ADGRG7: variants seen among roughly 807,000 people sequenced by gnomAD.
ADGRG7 encodes G-protein coupled receptor 128.
In ADGRG7, 82 loss-of-function variants were observed where a neutral mutation model predicts 88.6. The ratio of observed to expected loss-of-function variants is 0.93; its 90% confidence interval spans 0.77 to 1.11. ADGRG7 has a LOEUF of 1.11. ADGRG7 is among the 50% of genes most tolerant of loss of function. The pLI, the probability that ADGRG7 is intolerant of heterozygous loss-of-function variation, is 0.00. For synonymous variants in ADGRG7, 381 were observed against 345.2 expected (o/e 1.10, Z -1.15); for missense variants, 945 against 953.4 (o/e 0.99, Z 0.12).
rs570422389 is a variant in ADGRG7 at position 100,690,696 on chromosome 3, C to G, written c.2137-4048C>G. Among the ~76,000 whole-genome samples the G allele has an allele frequency of 4.7e-3, 715 of 152,242 alleles. 7 individuals are homozygous for G. Among genetic ancestry groups the G allele is most frequent in the African/African-American group, 0.016 (685 of 41,544 alleles). On this transcript the variant is annotated intron_variant, in intron 15 of 15. Transcript: ENST00000273352. Reference sequence around the variant, plus strand: ...TGCAGAACAGTGGATATTGGTGAACCGCAAATGCTGCTGCCTGATCGTTCC... The same window carrying G: ...TGCAGAACAGTGGATATTGGTGAACGGCAAATGCTGCTGCCTGATCGTTCC...
chr3:100,618,658 C>A (rs1269898304), intron 1 of ADGRG7, among the ~76,000 whole-genome samples: 2 of 152,146 alleles, frequency 1.3e-5, no homozygotes, highest in Non-Finnish European at 2.9e-5. Flanking sequence ...CGTGATGCCT[C>A]CAGCTTTGTT....
chr3:100,629,572 T>A (rs763457122), intron 1 of ADGRG7, 26 bp from the exon 2 acceptor site: 2 of 1,521,700 alleles, frequency 1.3e-6, no homozygotes, highest in East Asian at 2.3e-5. Context: ...AGTTCATGAC[T>A]ATTCTGTTAT....
intron 8 of ADGRG7, among the ~76,000 whole-genome samples, chr3:100,644,067 G>A (rs1707695012): frequency 6.6e-6 from 1 of 151,992 alleles, no homozygotes. Context: ...ACATCATTTA[G>A]TAGTATCAAT....
rs75314620 is a variant in ADGRG7 at position 100,652,242 on chromosome 3, T to C, written c.1379+2435T>C. On this transcript the variant is annotated intron_variant, in intron 11 of 15. Transcript: ENST00000273352. The stretch of plus-strand genomic sequence containing the variant: ...AATCTCAACTAAAATGTCAAGCAGA[T>C]GGACTGAGTTCTGTTTGAATGAAAG... Among the ~76,000 whole-genome samples the C allele has an allele frequency of 2.8e-4, 42 of 152,276 alleles. No homozygotes were observed. In the East Asian group the frequency reaches 7.9e-3, roughly 29 times the overall value.
Position 100,695,133 on chromosome 3 carries a change from A to C in ADGRG7, c.*132A>C. The C allele has an allele frequency of 1.1e-6, 1 of 889,814 alleles. No individual in the cohort carries two copies. The highest frequency in any genetic ancestry group is 1.8e-5 in the South Asian group (1 of 55,306). 55.1% of individuals were successfully genotyped at this position (889,814 alleles called of 1,614,324 possible). On this transcript the variant is annotated 3_prime_UTR_variant, in exon 16 of 16. Transcript: ENST00000273352. ...TGCTCAGGATTAAGAATTAGATAAA[A>C]CCTGTTGTTTATTATTATTCGGCAT...
intron 1 of ADGRG7, among the ~76,000 whole-genome samples, chr3:100,624,721 C>T (rs1392635137): frequency 6.6e-6 from 1 of 151,948 alleles, no homozygotes; most frequent in Non-Finnish European, 1.5e-5. Context: ...TATAAGGAGT[C>T]AGGAAGGGGT....
rs774786770 is a variant in ADGRG7, at chr3:100,643,318, G to C, written c.751G>C (p.Val251Leu). The change falls in exon 7 of 16, where the codon GTG becomes CTG. Residue 251 changes from valine (V) to leucine (L), a missense_variant. Coordinates refer to ENST00000273352, the MANE Select transcript of ADGRG7 (RefSeq NM_032787.3). ...CTTGTCTTTGGGTAATCAATCAGTG[G>C]TGGAACCTAACATAGCAATACAGTC... ...YSLSLGNQSVVEPNIAIQSAN... is the reference protein window; with the variant it reads ...YSLSLGNQSVLEPNIAIQSAN... 8 of 1,613,882 alleles carry C rather than the reference G, an allele frequency of 5.0e-6. No homozygotes were observed. The highest frequency in any genetic ancestry group is 3.3e-4 in the Middle Eastern group (2 of 6,084).
chr3:100,695,112 C>T lies in ADGRG7; in HGVS notation c.*111C>T, dbSNP rs1023299999. The T allele has an allele frequency of 8.6e-7, 1 of 1,156,156 alleles. No homozygotes were observed. Among genetic ancestry groups the T allele is most frequent in the Non-Finnish European group, 1.2e-6 (1 of 815,460 alleles). The allele number at this position is 1,156,156 out of a possible 1,614,324, so 71.6% of individuals were successfully genotyped here. ...AAAGTCTTCCTCAATGTATTTTGCT[C>T]AGGATTAAGAATTAGATAAAACCTG... On this transcript the variant is annotated 3_prime_UTR_variant, in exon 16 of 16. Transcript: ENST00000273352.
chr3:100,611,303 T>TTTCTTCCTTC (rs1559666905), intron 1 of ADGRG7, among the ~76,000 whole-genome samples: 24 of 124,394 alleles, frequency 1.9e-4, no homozygotes, highest in African/African-American at 6.7e-4. Context: ...TTCCTTCCTT[T>TTTCTTCCTTC]CTTCTTTCCT....
chr3:100,643,272 T>C lies in ADGRG7; in HGVS notation c.705T>C (p.Ile235=). 3.7e-6 allele frequency: 6 copies of C among 1,612,962 alleles called. No homozygotes were observed. The highest frequency in any genetic ancestry group is 5.1e-6 in the Non-Finnish European group (6 of 1,179,586). Residue 235 remains isoleucine, a synonymous_variant, in exon 7 of 16, where the codon ATT becomes ATC. Coordinates refer to ENST00000273352, the MANE Select transcript of ADGRG7 (RefSeq NM_032787.3). ...TGTGTTTTATTATATGCAGGCTTAT[T>C]GAGCAAATGGAGACTTATTCCTTGT... ...TANDDALTTL[I]EQMETYSLSL...
chr3:100,609,940 C>T lies in ADGRG7; in HGVS notation c.84C>T (p.Gly28=). The change falls in exon 1 of 16, where the codon GGC becomes GGT. Residue 28 remains glycine, a synonymous_variant. Transcript: ENST00000273352. ...TGACTGGCATCATTTTGGGACTGGG[C>T]ATCTGGAGGATTGTGATCAGGATCC... is the stretch of plus-strand genomic sequence containing the variant. ...GLLTGIILGL[G]IWRIVIRIQR... The T allele has an allele frequency of 1.9e-6, 3 of 1,613,584 alleles. No homozygotes were observed. The highest frequency in any genetic ancestry group is 2.5e-6 in the Non-Finnish European group (3 of 1,179,620).
chr3:100,691,099 A>G (rs1314910651), intron 15 of ADGRG7, among the ~76,000 whole-genome samples: 5 of 152,162 alleles, frequency 3.3e-5, no homozygotes, highest in Non-Finnish European at 7.4e-5. Context: ...GCCGCCTTGC[A>G]GTTTGATCTC....
chr3:100,615,348 C>A (rs1309070155), intron 1 of ADGRG7, among the ~76,000 whole-genome samples: 1 of 152,158 alleles, frequency 6.6e-6, no homozygotes, highest in African/African-American at 2.4e-5. Flanking sequence ...GATACCAGTA[C>A]TATTTTTGCT....
chr3:100,669,115 G>T lies in ADGRG7; in HGVS notation c.2136+10G>T, dbSNP rs779075867. 4 of 1,522,164 alleles carry T rather than the reference G, an allele frequency of 2.6e-6. No homozygotes were observed. In the African/African-American group the frequency reaches 5.6e-5, roughly 21 times the overall value. 94.3% of individuals were successfully genotyped at this position (1,522,164 alleles called of 1,614,324 possible). A position where few individuals can be genotyped will look rare whatever the true frequency, so the allele number is the denominator to read the frequency against. On this transcript the variant is annotated intron_variant, in intron 15 of 15. Coordinates refer to ENST00000273352, the MANE Select transcript of ADGRG7 (RefSeq NM_032787.3). ...TTTCAACACTACACAGGTATGGTGCGGATTAGTCTGAAAGTAGCAGAACAC... is the reference window on the plus strand; with the variant it reads ...TTTCAACACTACACAGGTATGGTGCTGATTAGTCTGAAAGTAGCAGAACAC...
intron 14 of ADGRG7, chr3:100,665,368 T>G (rs972782092): frequency 3.7e-6 from 2 of 540,558 alleles, no homozygotes; most frequent in Non-Finnish European, 7.6e-6. Context: ...CGTTTATCCT[T>G]CAATCTTCAT....
chr3:100,654,772 A>C (rs2094935193), intron 11 of ADGRG7, 63 bp from the exon 12 acceptor site: 1 of 983,294 alleles, frequency 1.0e-6, no homozygotes, highest in Non-Finnish European at 1.5e-6. Flanking sequence ...ATTTCACTGC[A>C]GTTTGTTTTG....
At chr3:100,652,120 A>C (rs551384455) in intron 11 of ADGRG7, among the ~76,000 whole-genome samples, 1 of 152,208 alleles carries the variant, frequency 6.6e-6, no homozygotes, top group East Asian at 1.9e-4. Flanking sequence ...ACTAGACTCT[A>C]ATCTTACTTT....
At chr3:100,665,173 C>T in intron 14 of ADGRG7, 2 of 539,250 alleles carry the variant, frequency 3.7e-6, no homozygotes, top group Admixed American at 1.9e-5. Context: ...CAGCATATAT[C>T]ATTTGTTGTT....
intron 14 of ADGRG7, among the ~76,000 whole-genome samples, chr3:100,665,998 CT>C (rs1302317550): frequency 3.3e-5 from 5 of 151,634 alleles, no homozygotes; most frequent in Non-Finnish European, 7.4e-5. Flanking sequence ...TGAGTGTTGG[CT>C]GGGTAGTTCT....
Sources: gnomAD v4.1 joint callset for allele counts (sites outside exome capture counted in the v4.1 genomes callset) on GRCh38, gnomAD v4.1.1 for gene constraint, MANE v1.5 for transcripts, NCBI Gene and HGNC (gene_info 2026-07-23, HGNC 2026-07-21) for gene names.